The following NUP210 variants were observed in gnomAD, a reference collection of about 807,000 sequenced individuals.
NUP210 encodes nuclear pore membrane glycoprotein 210.
In NUP210, 151 loss-of-function variants were observed where a neutral mutation model predicts 196.0. That is an observed-to-expected ratio of 0.77 (90% CI 0.67 to 0.88). The LOEUF (loss-of-function observed/expected upper bound fraction) is 0.88, where lower values mean the gene tolerates loss of function less well. Among genes scored for constraint, NUP210 ranks in the 40% least tolerant of loss-of-function variants. The pLI is 0.00. For missense variants in NUP210, 2,314 were observed against 2,493.7 expected (o/e 0.93, Z 1.53); for synonymous variants, 1,070 against 1,052.7 (o/e 1.02, Z -0.32).
Position 13,336,793 on chromosome 3 carries a change from G to A in NUP210, c.3678C>T (p.His1226=), listed in dbSNP as rs778432108. The change falls in exon 27 of 40, where the codon CAC becomes CAT. Residue 1226 remains histidine (H), a synonymous_variant. Transcript: ENST00000254508. The part of the protein sequence containing the change: ...KRDVLDLRGR[H]HEASIRLPSQ... ...GGAGGGGGTGGTTACCTACCTCGTGGTGCCGCCCTCGGAGGTCCAGGACGT... is the reference window on the plus strand; with the variant it reads ...GGAGGGGGTGGTTACCTACCTCGTGATGCCGCCCTCGGAGGTCCAGGACGT... The A allele has an allele frequency of 6.2e-7, 1 of 1,613,214 alleles. No individual in the cohort carries two copies. The highest frequency in any genetic ancestry group is 1.1e-5 in the South Asian group (1 of 91,060).
chr3:13,359,465 G>C (rs1698297231), intron 15 of NUP210, among the ~76,000 whole-genome samples: 1 of 152,160 alleles, frequency 6.6e-6, no homozygotes, highest in African/African-American at 2.4e-5. Flanking sequence ...GGCAGCTGTG[G>C]CATGGCTGAT....
chr3:13,389,091 C>T (rs768347097), intron 4 of NUP210, among the ~76,000 whole-genome samples: 4 of 152,210 alleles, frequency 2.6e-5, no homozygotes, highest in African/African-American at 4.8e-5. Flanking sequence ...CATTTACAAA[C>T]GAGCCCACTG....
chr3:13,405,057 T>A (rs1699961546), intron 1 of NUP210, among the ~76,000 whole-genome samples: 1 of 151,870 alleles, frequency 6.6e-6, no homozygotes, highest in Non-Finnish European at 1.5e-5. Flanking sequence ...AGTGTGCTGG[T>A]GGAGTGTGAG....
At chr3:13,363,639 T>C (rs911063590) in intron 14 of NUP210, among the ~76,000 whole-genome samples, 1 of 152,214 alleles carries the variant, frequency 6.6e-6, no homozygotes, top group South Asian at 2.1e-4. Flanking sequence ...AACAGAGACA[T>C]CAATTCCTCT....
Position 13,351,978 on chromosome 3 carries a change from T to C in NUP210, c.2736A>G (p.Ala912=). The change falls in exon 20 of 40, where the codon GCA becomes GCG. Residue 912 remains alanine, a splice_region_variant and synonymous_variant. Coordinates refer to ENST00000254508, the MANE Select transcript of NUP210 (RefSeq NM_024923.4). ...VTIYNHPGIQ[A]ELRIREGSGY... ...CTGAGCCTTCCCTGATGCGGAGCTC[T>C]GCCTGCAGGAGGCAGATGCAGGGAG... is the stretch of plus-strand genomic sequence containing the variant. The C allele has an allele frequency of 6.2e-7, 1 of 1,609,560 alleles. No individual in the cohort carries two copies. Among genetic ancestry groups the C allele is most frequent in the Non-Finnish European group, 8.5e-7 (1 of 1,176,372 alleles).
At chr3:13,346,340 A>T (rs990402958) in intron 20 of NUP210, among the ~76,000 whole-genome samples, 5 of 152,192 alleles carry the variant, frequency 3.3e-5, no homozygotes, top group African/African-American at 1.2e-4. Context: ...CATGCAGCTC[A>T]CACCACACAG....
At chr3:13,368,896 G>A (rs1698631473) in intron 13 of NUP210, among the ~76,000 whole-genome samples, 1 of 152,228 alleles carries the variant, frequency 6.6e-6, no homozygotes, top group Admixed American at 6.5e-5. Flanking sequence ...GAACATGGGT[G>A]CACAAATACC....
intron 28 of NUP210, among the ~76,000 whole-genome samples, 175 bp downstream of exon 28, chr3:13,335,279 A>T (rs1283519275): frequency 1.3e-5 from 2 of 152,064 alleles, no homozygotes; most frequent in Non-Finnish European, 2.9e-5. Context: ...GGGCTCCCAT[A>T]GCACCAATCA....
chr3:13,349,526 C>T (rs1343025363), intron 20 of NUP210, among the ~76,000 whole-genome samples: 1 of 152,192 alleles, frequency 6.6e-6, no homozygotes, highest in Admixed American at 6.5e-5. Flanking sequence ...CTAAGAGAGG[C>T]CAGCCAAGGA....
chr3:13,351,761 G>T lies in NUP210; in HGVS notation c.2835+118C>A. On this transcript the variant is annotated intron_variant, in intron 20 of 39. Transcript: ENST00000254508. ...GATCTTCCTGCCTTGACCTCCCAAAGTTCTGGGATTCCGAGTGTGAGTCAA... is the reference window on the plus strand; with the variant it reads ...GATCTTCCTGCCTTGACCTCCCAAATTTCTGGGATTCCGAGTGTGAGTCAA... The T allele has an allele frequency of 7.0e-6, 5 of 710,126 alleles. No individual in the cohort carries two copies. In the South Asian group the frequency reaches 7.1e-5, roughly 10 times the overall value. 44.0% of individuals were successfully genotyped at this position (710,126 alleles called of 1,614,324 possible). A position where few individuals can be genotyped will look rare whatever the true frequency, so the allele number is the denominator to read the frequency against.
intron 10 of NUP210, among the ~76,000 whole-genome samples, chr3:13,376,051 C>T (rs1698892904): frequency 6.6e-6 from 1 of 152,198 alleles, no homozygotes. Context: ...GCCTTCTGTG[C>T]GGGGTAGGAA....
intron 10 of NUP210, 29 bp from the exon 11 acceptor site, chr3:13,375,670 C>A: frequency 6.2e-7 from 1 of 1,601,144 alleles, no homozygotes; most frequent in Non-Finnish European, 8.5e-7. Flanking sequence ...CCACACGTAA[C>A]CATGACAACC....
intron 15 of NUP210, among the ~76,000 whole-genome samples, chr3:13,359,134 G>C (rs1470257406): frequency 6.6e-6 from 1 of 152,152 alleles, no homozygotes; most frequent in Non-Finnish European, 1.5e-5. Flanking sequence ...AGGACCAAGG[G>C]CAGTGTCCTC....
chr3:13,394,050 T>C (rs7653172), intron 3 of NUP210, among the ~76,000 whole-genome samples: 88,753 of 152,142 alleles, frequency 0.58, 27,249 homozygotes, highest in African/African-American at 0.78. Flanking sequence ...GTAGAAAATG[T>C]CTTGTATCCC....
Position 13,366,054 on chromosome 3 carries a change from G to T in NUP210, c.1824C>A (p.Ile608=). ...LPPGSEHCSG[I]RVKAEAQGST... is the part of the protein sequence containing the mutation. ...AGCCCTGGGCCTCGGCCTTTACCCG[G>T]ATGCCGCTGCAGTGCTCAGAGCCTG... is the stretch of plus-strand genomic sequence containing the variant. The change falls in exon 14 of 40, where the codon ATC becomes ATA. Residue 608 remains isoleucine, a synonymous_variant. Coordinates refer to ENST00000254508, the MANE Select transcript of NUP210 (RefSeq NM_024923.4). 6.2e-7 allele frequency: 1 copy of T among 1,614,202 alleles called. No individual in the cohort carries two copies. Among genetic ancestry groups the T allele is most frequent in the South Asian group, 1.1e-5 (1 of 91,088 alleles).
rs770044418 is a variant in NUP210 at position 13,321,835 on chromosome 3, C to A, written c.4916G>T (p.Gly1639Val). ...CATTGTGATTGAGCAGAAGTACTGGCCTGCGAAGACAAGGGTGTATTGTCT... is the reference window on the plus strand; with the variant it reads ...CATTGTGATTGAGCAGAAGTACTGGACTGCGAAGACAAGGGTGTATTGTCT... ...TVEPQFDTAL[G>V]QYFCSITMHR... The change falls in exon 36 of 40, where the codon GGC becomes GTC. Residue 1639 changes from glycine to valine, a missense_variant and splice_region_variant. Transcript: ENST00000254508. 1.2e-6 allele frequency: 2 copies of A among 1,602,998 alleles called. No individual in the cohort carries two copies. The highest frequency in any genetic ancestry group is 2.2e-5 in the South Asian group (2 of 91,070).
In NUP210 at chr3:13,319,768, C is replaced by T; in HGVS notation, c.5378G>A (p.Gly1793Asp). ...GATGTCGTTCCGTGACTCACAAGGA[C>T]CGGGCCCACGGCGATCCACCACAAA... ...VAFVVDRRGP[G>D]PYGASLFQHF... Residue 1793 changes from glycine to aspartate, a missense_variant, in exon 37 of 40, where the codon GGT becomes GAT. Coordinates refer to ENST00000254508, the MANE Select transcript of NUP210 (RefSeq NM_024923.4). 6.2e-7 allele frequency: 1 copy of T among 1,614,054 alleles called. No homozygotes were observed. The highest frequency in any genetic ancestry group is 8.5e-7 in the Non-Finnish European group (1 of 1,179,940).
intron 1 of NUP210, among the ~76,000 whole-genome samples, chr3:13,415,009 G>A (rs868502320): frequency 1.5e-4 from 23 of 152,134 alleles, no homozygotes; most frequent in Middle Eastern, 3.2e-3. Flanking sequence ...AGGCTGAGGC[G>A]GGTAGATCAC....
chr3:13,328,283 C>T (rs1696858187), intron 31 of NUP210, among the ~76,000 whole-genome samples: 1 of 152,230 alleles, frequency 6.6e-6, no homozygotes, highest in African/African-American at 2.4e-5. Context: ...GCCATATTGC[C>T]CAACGTGAGA....
Sources: allele counts gnomAD v4.1 joint callset (sites outside exome capture counted in the v4.1 genomes callset), GRCh38; gene constraint gnomAD v4.1.1; transcripts MANE v1.5; gene names NCBI Gene and HGNC (gene_info 2026-07-23, HGNC 2026-07-21).